The following SUGCT variants were observed in gnomAD, a reference collection of about 807,000 sequenced individuals.
SUGCT encodes succinyl-CoA:glutarate-CoA transferase.
Under a neutral mutation model 55.0 loss-of-function variants are expected in SUGCT, and 41 were observed. The ratio of observed to expected loss-of-function variants is 0.74; its 90% CI spans 0.58 to 0.97. The LOEUF is 0.97. SUGCT is among the 50% of genes least tolerant of loss of function. The pLI, the probability that SUGCT is intolerant of heterozygous loss-of-function variation, is 0.00. For missense variants in SUGCT, 568 were observed against 547.8 expected, an observed-to-expected ratio of 1.04 and a Z score of -0.37; for synonymous variants, 187 against 200.4, an observed-to-expected ratio of 0.93 and a Z score of 0.56.
At chr7:41,005,417 C>T in the SUGCT span, among the ~76,000 whole-genome samples, 1 of 152,108 alleles carries the variant, frequency 6.6e-6, no homozygotes, top group Non-Finnish European at 1.5e-5. Flanking sequence ...AAGTCTTCTC[C>T]ATCAGGAAGA....
intron 11 of SUGCT, among the ~76,000 whole-genome samples, chr7:40,481,789 A>G (rs1791062126): frequency 1.3e-5 from 2 of 152,176 alleles, no homozygotes; most frequent in Non-Finnish European, 2.9e-5. Context: ...AACTGCTTAT[A>G]TAATGCATTT....
chr7:40,442,585 C>T (rs1002448211), intron 9 of SUGCT, among the ~76,000 whole-genome samples: 2 of 151,844 alleles, frequency 1.3e-5, no homozygotes, highest in Admixed American at 1.3e-4. Context: ...CCATTTAATG[C>T]CTTCTTTACT....
chr7:40,222,705 G>A lies in SUGCT; in HGVS notation c.485-14930G>A, dbSNP rs1479709814. Among the ~76,000 whole-genome samples, 7 of 152,150 alleles carry A rather than the reference G, an allele frequency of 4.6e-5. No homozygotes were observed. The East Asian group carries it at 5.8e-4, about 13-fold the overall frequency. On this transcript the variant is annotated intron_variant, in intron 6 of 13. Coordinates refer to ENST00000335693, the MANE Select transcript of SUGCT (RefSeq NM_001193313.2). Reference sequence around the variant, plus strand: ...AAAAATACAAAAATTAGCTGGGTGTGGTGTGTGTGCCTGTAGTCCCTGCTA... The same window carrying A: ...AAAAATACAAAAATTAGCTGGGTGTAGTGTGTGTGCCTGTAGTCCCTGCTA...
intron 12 of SUGCT, among the ~76,000 whole-genome samples, chr7:40,671,784 T>C (rs758410731): frequency 5.9e-5 from 9 of 152,216 alleles, no homozygotes; most frequent in Non-Finnish European, 1.2e-4. Flanking sequence ...CAAATTCATA[T>C]ATAAGTTTCA....
the SUGCT span, among the ~76,000 whole-genome samples, chr7:40,915,076 A>G: frequency 6.6e-6 from 1 of 152,164 alleles, no homozygotes; most frequent in Non-Finnish European, 1.5e-5. Flanking sequence ...ATGTGGGGCT[A>G]ACTTCTTTTC....
chr7:40,237,336 C>T (rs533489842), intron 6 of SUGCT, among the ~76,000 whole-genome samples: 1 of 151,794 alleles, frequency 6.6e-6, no homozygotes, highest in South Asian at 2.1e-4. Context: ...CCTAGCTACT[C>T]GGGAGGCTGA....
intron 12 of SUGCT, among the ~76,000 whole-genome samples, chr7:40,568,323 A>T (rs530869867): frequency 4.6e-5 from 7 of 152,050 alleles, no homozygotes; most frequent in Non-Finnish European, 1.0e-4. Context: ...TCAGTGATAC[A>T]CACACACACA....
At chr7:40,995,527 A>G in the SUGCT span, among the ~76,000 whole-genome samples, 21 of 152,212 alleles carry the variant, frequency 1.4e-4, no homozygotes, top group Non-Finnish European at 2.8e-4. Context: ...GAAATATTTC[A>G]GAATGAATAA....
chr7:40,202,692 T>G lies in SUGCT; in HGVS notation c.484+7632T>G, dbSNP rs184874558. On this transcript the variant is annotated intron_variant, in intron 6 of 13. Coordinates refer to ENST00000335693, the MANE Select transcript of SUGCT (RefSeq NM_001193313.2). ...GAAGTTCTGTAGGTGGCTCTCTTTA[T>G]GGGGAGTTTTGTAGTCTCCTCAGAG... is the stretch of plus-strand genomic sequence containing the variant. Among the ~76,000 whole-genome samples, 8 of 152,296 alleles carry G rather than the reference T, an allele frequency of 5.3e-5. No individual in the cohort carries two copies. In the East Asian group the frequency reaches 9.6e-4, roughly 18 times the overall value.
chr7:40,217,374 CTAATTTTTG>C (rs1562584838), intron 6 of SUGCT: 3 of 428,760 alleles, frequency 7.0e-6, no homozygotes, highest in Middle Eastern at 5.0e-4. Context: ...CTACACCAGG[CTAATTTTTG>C]TATTTTTTTG....
intron 12 of SUGCT, among the ~76,000 whole-genome samples, chr7:40,526,269 A>G (rs934089061): frequency 3.9e-5 from 6 of 152,124 alleles, no homozygotes; most frequent in African/African-American, 1.4e-4. Flanking sequence ...TGGTATATAT[A>G]GGGTTGCCAT....
chr7:40,666,508 T>C (rs1801652272), intron 12 of SUGCT, among the ~76,000 whole-genome samples: 1 of 142,192 alleles, frequency 7.0e-6, no homozygotes, highest in Non-Finnish European at 1.5e-5. Context: ...CAGGGACTGG[T>C]AAACAAGAAT....
chr7:40,469,886 G>A (rs1273572089), intron 11 of SUGCT, among the ~76,000 whole-genome samples: 2 of 152,088 alleles, frequency 1.3e-5, no homozygotes, highest in East Asian at 1.9e-4. Flanking sequence ...TAATACCCTC[G>A]TTTCTCCTTT....
chr7:40,534,088 A>C (rs535229462), intron 12 of SUGCT, among the ~76,000 whole-genome samples: 304 of 152,290 alleles, frequency 2.0e-3, no homozygotes, highest in Middle Eastern at 3.4e-3. Flanking sequence ...TAGGAAAATA[A>C]CTTTAAATTG....
At chr7:40,579,462 G>C (rs912020178) in intron 12 of SUGCT, among the ~76,000 whole-genome samples, 1 of 152,124 alleles carries the variant, frequency 6.6e-6, no homozygotes, top group Non-Finnish European at 1.5e-5. Flanking sequence ...AATCCCCCTG[G>C]TGGTCCAAGG....
chr7:40,333,947 C>T (rs982155163), intron 9 of SUGCT, among the ~76,000 whole-genome samples: 1 of 151,826 alleles, frequency 6.6e-6, no homozygotes, highest in African/African-American at 2.4e-5. Context: ...AGTCCCCTTC[C>T]TGTGTCCAAG....
intron 12 of SUGCT, among the ~76,000 whole-genome samples, chr7:40,593,142 A>C (rs1797817266): frequency 6.6e-6 from 1 of 152,138 alleles, no homozygotes; most frequent in Non-Finnish European, 1.5e-5. Flanking sequence ...AAAACTTAAG[A>C]GTTCAGAGTC....
intron 9 of SUGCT, among the ~76,000 whole-genome samples, chr7:40,447,036 A>G (rs2151423938): frequency 6.6e-6 from 1 of 152,314 alleles, no homozygotes; most frequent in South Asian, 2.1e-4. Flanking sequence ...GAGTTGTGCA[A>G]CCATCAGTCA....
intron 9 of SUGCT, among the ~76,000 whole-genome samples, chr7:40,356,123 T>C (rs1246956283): frequency 6.6e-6 from 1 of 152,240 alleles, no homozygotes; most frequent in Non-Finnish European, 1.5e-5. Flanking sequence ...ATATATCTGC[T>C]CCAGATTCAT....
Sources: gnomAD v4.1 joint callset for allele counts (sites outside exome capture counted in the v4.1 genomes callset) on GRCh38, gnomAD v4.1.1 for gene constraint, MANE v1.5 for transcripts, NCBI Gene and HGNC (gene_info 2026-07-23, HGNC 2026-07-21) for gene names.